The following SMC1B variants were observed in gnomAD, a reference collection of about 807,000 sequenced individuals.
SMC1B encodes the protein structural maintenance of chromosomes 1B.
In SMC1B, 60 loss-of-function variants were observed where a neutral mutation model predicts 157.9. The observed-to-expected ratio is 0.38, with a 90% CI of 0.31 to 0.47. The LOEUF is 0.47. Ranked by LOEUF, SMC1B falls within the 20% of genes least tolerant of loss-of-function variation. The pLI, the probability that SMC1B is intolerant of heterozygous loss-of-function variation, is 0.99. For missense variants in SMC1B, 1,165 were observed against 1,426.2 expected (o/e 0.82, Z 2.95); for synonymous variants, 445 against 483.0 (o/e 0.92, Z 1.03).
chr22:45,411,348 T>C (rs1462953186), intron 1 of SMC1B, among the ~76,000 whole-genome samples: 2 of 152,244 alleles, frequency 1.3e-5, no homozygotes, highest in African/African-American at 4.8e-5. Context: ...AAAGGCCATA[T>C]ATTGTCTGAT....
chr22:45,396,358 A>C lies in SMC1B; in HGVS notation c.1242T>G (p.His414Gln), dbSNP rs369162388. The stretch of plus-strand genomic sequence containing the variant: ...CAACCCAAGACACCTGAACTTCTCC[A>C]TGCCTCCTCTTTTCAAATGCCAGTC... ...EERLAFEKRR[H>Q]GEVQGNLKQI... Residue 414 changes from histidine (H) to glutamine (Q), a missense_variant, in exon 7 of 25, where the codon CAT becomes CAG. By Grantham distance (24) the His-to-Gln change is conservative. Transcript: ENST00000357450. 151 of 1,612,612 alleles carry C rather than the reference A, an allele frequency of 9.4e-5. No homozygotes were observed. Among genetic ancestry groups the C allele is most frequent in the Non-Finnish European group, 1.2e-4 (141 of 1,179,444 alleles).
intron 15 of SMC1B, among the ~76,000 whole-genome samples, chr22:45,364,995 G>T (rs577084767): frequency 6.6e-6 from 1 of 151,724 alleles, no homozygotes; most frequent in African/African-American, 2.4e-5. Context: ...CTGCCACCAC[G>T]CCCGGCTAAT....
Position 45,408,761 on chromosome 22 carries a change from T to C in SMC1B, c.247A>G (p.Ile83Val), listed in dbSNP as rs2146857516. ...PISSSASVKI[I>V]YVEESGEEKT... ...TCTTCGCCACTTTCCTCCACATATA[T>C]AATTTTTACACTTGCAGAAGAAGAA... Residue 83 changes from isoleucine (I) to valine (V), a missense_variant, in exon 2 of 25, where the codon ATA becomes GTA. Ile to Val is a conservative substitution (Grantham distance 29, BLOSUM62 3). Transcript: ENST00000357450. 2 of 1,599,812 alleles carry C rather than the reference T, an allele frequency of 1.3e-6. No homozygotes were observed. The highest frequency in any genetic ancestry group is 1.7e-6 in the Non-Finnish European group (2 of 1,175,312).
intron 23 of SMC1B, 46 bp downstream of exon 23, chr22:45,349,682 C>A (rs1026623262): frequency 6.5e-7 from 1 of 1,528,474 alleles, no homozygotes; most frequent in Non-Finnish European, 9.0e-7. Context: ...CTCACATGAT[C>A]CTTGAATTGT....
At chr22:45,344,711 T>C (rs1216522520) in intron 24 of SMC1B, 54 bp from the exon 25 acceptor site, 8 of 1,247,330 alleles carry the variant, frequency 6.4e-6, no homozygotes, top group South Asian at 1.2e-5. Flanking sequence ...AAAAGTATTA[T>C]TAAAGTAAGA....
At chr22:45,344,793 G>C (rs2086534507) in intron 24 of SMC1B, 136 bp from the exon 25 acceptor site, 1 of 539,116 alleles carries the variant, frequency 1.9e-6, no homozygotes, top group Non-Finnish European at 3.3e-6. Context: ...CATTTATATT[G>C]GTTGTGGGTT....
chr22:45,354,891 T>C (rs1276653901), intron 20 of SMC1B, 68 bp downstream of exon 20: 2 of 1,477,462 alleles, frequency 1.4e-6, no homozygotes, highest in African/African-American at 2.8e-5. Flanking sequence ...GGGGAGATTG[T>C]TGGCAAATGT....
intron 15 of SMC1B, among the ~76,000 whole-genome samples, chr22:45,364,972 G>A (rs1043790597): frequency 1.6e-4 from 25 of 151,780 alleles, no homozygotes; most frequent in African/African-American, 6.1e-4. Flanking sequence ...CAAGTAGCTG[G>A]GACTACAGGC....
At position 45,379,708 on chromosome 22, in the gene SMC1B, TC is replaced by T. The variant is rs1471722386; in HGVS notation, c.2058+3758del. On this transcript the variant is annotated intron_variant, in intron 12 of 24. Transcript: ENST00000357450. The stretch of plus-strand genomic sequence containing the variant: ...AATTCATGTGTTGCTTAGAGTACTT[TC>T]CTTTTTCTTTTTACTTTTTTTTTTT... 5.4e-5 allele frequency among the ~76,000 whole-genome samples: 8 copies of T among 148,868 alleles called. No individual in the cohort carries two copies. The Admixed American group carries it at 5.4e-4, about 10-fold the overall frequency.
intron 10 of SMC1B, among the ~76,000 whole-genome samples, chr22:45,389,440 T>G (rs780907868): frequency 5.3e-5 from 8 of 152,132 alleles, no homozygotes; most frequent in Non-Finnish European, 1.2e-4. Context: ...GGCTAATAGG[T>G]AGAGTGGTGC....
chr22:45,393,703 A>G lies in SMC1B; in HGVS notation c.1476T>C (p.His492=), dbSNP rs780552373. ...CTCTCTTTTGCTGACGTTTTCCCTC[A>G]TGGGTATCAATCCCAGCATTCTGCA... is the stretch of plus-strand genomic sequence containing the variant. ...SELQNAGIDT[H]EGKRQQKRAE... Residue 492 remains histidine (H), a synonymous_variant, in exon 9 of 25, where the codon CAT becomes CAC. Coordinates refer to ENST00000357450, the MANE Select transcript of SMC1B (RefSeq NM_148674.5). The G allele has an allele frequency of 6.2e-7, 1 of 1,614,120 alleles. No individual in the cohort carries two copies. Among genetic ancestry groups the G allele is most frequent in the South Asian group, 1.1e-5 (1 of 91,076 alleles).
intron 5 of SMC1B, among the ~76,000 whole-genome samples, chr22:45,400,327 G>T (rs2087178068): frequency 3.9e-5 from 6 of 151,936 alleles, no homozygotes; most frequent in Admixed American, 3.9e-4. Flanking sequence ...TTATCTTCTA[G>T]AAAGTAAGGA....
Position 45,344,638 on chromosome 22 carries a change from C to A in SMC1B, c.3626G>T (p.Ser1209Ile). ...IYPEYDDCMF[S>I]RVLTLDLSQY... ...AGAAAGATCTAGGGTCAAAACTCGG[C>A]TGAACATGCAGTCATCGTACTAAAA... Residue 1209 changes from serine to isoleucine, a missense_variant, in exon 25 of 25, where the codon AGC becomes ATC. Transcript: ENST00000357450. 1 of 1,613,828 alleles carries A rather than the reference C, an allele frequency of 6.2e-7. No homozygotes were observed. Among genetic ancestry groups the A allele is most frequent in the Non-Finnish European group, 8.5e-7 (1 of 1,179,732 alleles).
rs374550057 is a variant in SMC1B, at chr22:45,406,487, G to A, written c.588C>T (p.Arg196=). 144 of 1,611,460 alleles carry A rather than the reference G, an allele frequency of 8.9e-5. No homozygotes were observed. Among genetic ancestry groups the A allele is most frequent in the Non-Finnish European group, 1.2e-4 (141 of 1,179,650 alleles). The part of the protein sequence containing the change: ...FNKKKNIAAE[R]RQAKLEKEEA... The stretch of plus-strand genomic sequence containing the variant: ...CTTCCTTCTCTAATTTTGCTTGTCT[G>A]CGCTCTGCCGCTATATTTTTTTTCT... The change falls in exon 4 of 25, where the codon CGC becomes CGT. Residue 196 remains arginine (R), a synonymous_variant. Coordinates refer to ENST00000357450, the MANE Select transcript of SMC1B (RefSeq NM_148674.5).
intron 6 of SMC1B, among the ~76,000 whole-genome samples, chr22:45,397,802 AC>A (rs2087142647): frequency 6.6e-6 from 1 of 152,118 alleles, no homozygotes; most frequent in African/African-American, 2.4e-5. Context: ...AAACCACCTG[AC>A]TTCAGGTAGT....
chr22:45,405,756 G>T (rs1426736502), intron 4 of SMC1B, among the ~76,000 whole-genome samples: 1 of 152,106 alleles, frequency 6.6e-6, no homozygotes, highest in Non-Finnish European at 1.5e-5. Flanking sequence ...ACCCTTTTAG[G>T]GAGTCCCTGA....
chr22:45,346,048 C>CA (rs1260770494), intron 23 of SMC1B, among the ~76,000 whole-genome samples: 1 of 151,748 alleles, frequency 6.6e-6, no homozygotes, highest in Non-Finnish European at 1.5e-5. Context: ...ACTAAAATTA[C>CA]AAAAAAATTA....
At chr22:45,394,243 T>G (rs566823518) in intron 8 of SMC1B, among the ~76,000 whole-genome samples, 1 of 151,964 alleles carries the variant, frequency 6.6e-6, no homozygotes, top group Admixed American at 6.6e-5. Flanking sequence ...GTGGATCACT[T>G]GAGCCCAGTG....
rs971157095 is a variant in SMC1B, at chr22:45,379,392, G to T, written c.2058+4075C>A. On this transcript the variant is annotated intron_variant, in intron 12 of 24. Transcript: ENST00000357450. ...AGACTTAAATCTACTCATGTTTACC[G>T]TAATCACTGACATACAAAAATTTCA... Among the ~76,000 whole-genome samples the T allele has an allele frequency of 1.6e-4, 24 of 152,154 alleles. No homozygotes were observed. The South Asian group carries it at 1.7e-3, about 10-fold the overall frequency.
Sources: gnomAD v4.1 joint callset for allele counts (sites outside exome capture counted in the v4.1 genomes callset) on GRCh38, gnomAD v4.1.1 for gene constraint, MANE v1.5 for transcripts, NCBI Gene and HGNC (gene_info 2026-07-23, HGNC 2026-07-21) for gene names.